Variants in RYR2 observed in about 807,000 individuals in gnomAD.
RYR2 encodes ryanodine receptor 2.
A neutral mutation model predicts 601.1 loss-of-function variants in RYR2; 227 were observed. That is an observed-to-expected ratio of 0.38 (90% confidence interval 0.34 to 0.42). RYR2 has a LOEUF of 0.42. Among genes scored for constraint, RYR2 ranks in the 10% least tolerant of loss-of-function variants. The pLI is 1.00. For synonymous variants in RYR2, 2,223 were observed against 2,175.1 expected, an observed-to-expected ratio of 1.02 and a Z score of -0.61; for missense variants, 4,646 against 6,156.5, an observed-to-expected ratio of 0.75 and a Z score of 8.21.
chr1:237,435,476 G>T (rs1309210399), intron 12 of RYR2, among the ~76,000 whole-genome samples: 1 of 151,992 alleles, frequency 6.6e-6, no homozygotes, highest in Non-Finnish European at 1.5e-5. Context: ...GATGAATTTT[G>T]CATTTACTTG....
chr1:237,813,413 C>T (rs575348356), intron 100 of RYR2, among the ~76,000 whole-genome samples: 11 of 152,150 alleles, frequency 7.2e-5, no homozygotes, highest in Non-Finnish European at 1.0e-4. Context: ...ATTCAGTGAC[C>T]TGTATCAGGT....
In RYR2 at chr1:237,614,356, A is replaced by T; in HGVS notation, c.5228A>T (p.Asn1743Ile). 4 of 1,614,046 alleles carry T rather than the reference A, an allele frequency of 2.5e-6. No homozygotes were observed. The highest frequency in any genetic ancestry group is 3.4e-6 in the Non-Finnish European group (4 of 1,179,900). ...AGCATCACCCTGTTCCCTGATGAGA[A>T]CAAAAAACACGGCCTTCCAGGGATC... Reference protein sequence around the residue: ...TKSITLFPDENKKHGLPGIGL... With the variant: ...TKSITLFPDEIKKHGLPGIGL... The change falls in exon 37 of 105, where the codon AAC becomes ATC. Residue 1743 changes from asparagine to isoleucine, a missense_variant. Coordinates refer to ENST00000366574, the MANE Select transcript of RYR2 (RefSeq NM_001035.3). This position sits in a 1 kb window ranked among gnomAD's most constrained non-coding sequence, Gnocchi z 4.3.
intron 12 of RYR2, among the ~76,000 whole-genome samples, chr1:237,423,900 C>T (rs188719680): frequency 8.5e-5 from 13 of 152,208 alleles, no homozygotes; most frequent in East Asian, 3.9e-4. Context: ...CTTATACTTC[C>T]GCATGGCTGG....
chr1:237,685,278 G>T (rs1417462721), intron 62 of RYR2, among the ~76,000 whole-genome samples: 1 of 152,164 alleles, frequency 6.6e-6, no homozygotes, highest in Admixed American at 6.5e-5. Flanking sequence ...AAAGTGGATT[G>T]CACAGGAGGG....
At position 237,179,955 on chromosome 1, in the gene RYR2, C is replaced by T. The variant is rs560464595; in HGVS notation, c.49-90542C>T. Reference sequence around the variant, plus strand: ...GAGGGTCAGCATGTCCTTTGTAAGCCGGAAGCGCAGAGCAAGGTTTCAGAT... The same window carrying T: ...GAGGGTCAGCATGTCCTTTGTAAGCTGGAAGCGCAGAGCAAGGTTTCAGAT... On this transcript the variant is annotated intron_variant, in intron 1 of 104. Transcript: ENST00000366574. Among the ~76,000 whole-genome samples the T allele has an allele frequency of 7.2e-5, 11 of 152,150 alleles. No homozygotes were observed. In the South Asian group the frequency reaches 1.0e-3, roughly 14 times the overall value.
intron 17 of RYR2, among the ~76,000 whole-genome samples, chr1:237,482,760 T>C (rs1040351154): frequency 6.6e-6 from 1 of 152,160 alleles, no homozygotes; most frequent in African/African-American, 2.4e-5. Flanking sequence ...ATTTTTAGTT[T>C]TTTGAGGAAC....
intron 25 of RYR2, among the ~76,000 whole-genome samples, chr1:237,540,807 A>G (rs1193658090): frequency 1.3e-5 from 2 of 152,006 alleles, no homozygotes; most frequent in Admixed American, 6.6e-5. Context: ...CCTTAGCCCT[A>G]ATGCTGTGAA....
At chr1:237,436,408 C>G (rs1184138323) in intron 12 of RYR2, among the ~76,000 whole-genome samples, 1 of 145,964 alleles carries the variant, frequency 6.9e-6, no homozygotes, top group Non-Finnish European at 1.5e-5. Context: ...AACTCACTTA[C>G]CAGAGTAACT....
rs1043106981 is a variant in RYR2 at position 237,819,681 on chromosome 1, G to A, written c.14590+489G>A. ...TAAAAATACAAAACTAGCCAGGCGT[G>A]GTGGCACACAGCTGTAATCCCAGCT... On this transcript the variant is annotated intron_variant, in intron 101 of 104. Coordinates refer to ENST00000366574, the MANE Select transcript of RYR2 (RefSeq NM_001035.3). The surrounding 1 kb of genome is among the most constrained non-coding windows in gnomAD (Gnocchi z 4.0). Among the ~76,000 whole-genome samples the A allele has an allele frequency of 6.6e-6, 1 of 152,088 alleles. No individual in the cohort carries two copies. Among genetic ancestry groups the A allele is most frequent in the Non-Finnish European group, 1.5e-5 (1 of 68,028 alleles).
intron 100 of RYR2, among the ~76,000 whole-genome samples, chr1:237,817,231 C>T (rs1227156833): frequency 6.6e-6 from 1 of 152,192 alleles, no homozygotes; most frequent in Admixed American, 6.5e-5. Flanking sequence ...TAAATTCCAG[C>T]CATCTAACCC....
At chr1:237,669,078 C>G (rs949677111) in intron 58 of RYR2, among the ~76,000 whole-genome samples, 12 of 149,196 alleles carry the variant, frequency 8.0e-5, no homozygotes, top group African/African-American at 2.9e-4. Context: ...GGTGATGACT[C>G]TTAACGAGCA....
rs767794262 is a variant in RYR2, at chr1:237,610,980, G to A, written c.4902G>A (p.Glu1634=). The A allele has an allele frequency of 6.2e-7, 1 of 1,611,898 alleles. No individual in the cohort carries two copies. Among genetic ancestry groups the A allele is most frequent in the Admixed American group, 1.7e-5 (1 of 59,738 alleles). The change falls in exon 36 of 105, where the codon GAG becomes GAA. Residue 1634 remains glutamate (E), a synonymous_variant. Transcript: ENST00000366574. This position sits in a 1 kb window ranked among gnomAD's most constrained non-coding sequence, Gnocchi z 4.9. ...AGTTCATGTCTCTTCATATCCCTGAGGAAAACAGGTCAGCCCCAGTGAATC... is the reference window on the plus strand; with the variant it reads ...AGTTCATGTCTCTTCATATCCCTGAAGAAAACAGGTCAGCCCCAGTGAATC... ...PLQFMSLHIP[E]ENRSVDILEL... is the part of the protein sequence containing the mutation.
Position 237,705,278 on chromosome 1 carries a change from A to G in RYR2, c.9515A>G (p.Glu3172Gly). 1 of 1,606,002 alleles carries G rather than the reference A, an allele frequency of 6.2e-7. No homozygotes were observed. Residue 3172 changes from glutamate (E) to glycine (G), a missense_variant, in exon 67 of 105, where the codon GAA (glutamate) becomes GGA (glycine). By Grantham distance (98) the Glu-to-Gly change is moderately conservative (BLOSUM62 -2). This residue lies in a region of RYR2 where 1,497 missense variants were observed against 1,842.6 expected (regional missense o/e 0.81). Coordinates refer to ENST00000366574, the MANE Select transcript of RYR2 (RefSeq NM_001035.3). Reference protein sequence around the residue: ...FAGAFPVAFLETHLDKHNIYS... With the variant: ...FAGAFPVAFLGTHLDKHNIYS... ...GGTGCTTTTCCTGTAGCATTTTTGG[A>G]AACTCATCTGGACAAACATAATATT...
intron 100 of RYR2, among the ~76,000 whole-genome samples, chr1:237,810,836 TA>T (rs891559926): frequency 1.3e-5 from 2 of 152,122 alleles, no homozygotes; most frequent in South Asian, 2.1e-4. Flanking sequence ...ACATTTAATT[TA>T]AAAAAACAAG....
intron 13 of RYR2, among the ~76,000 whole-genome samples, chr1:237,445,045 A>T (rs1708209826): frequency 6.6e-6 from 1 of 152,114 alleles, no homozygotes; most frequent in Admixed American, 6.6e-5. Context: ...TTTTTTGAGT[A>T]GTTCTTTAAA....
intron 97 of RYR2, among the ~76,000 whole-genome samples, chr1:237,800,562 TAAAGA>T (rs1302160305): frequency 6.6e-6 from 1 of 152,142 alleles, no homozygotes; most frequent in Non-Finnish European, 1.5e-5. Context: ...AAGAAATGAT[TAAAGA>T]AGTCAATAAA....
chr1:237,145,594 G>C (rs879003669), intron 1 of RYR2, among the ~76,000 whole-genome samples: 1 of 152,128 alleles, frequency 6.6e-6, no homozygotes, highest in Non-Finnish European at 1.5e-5. Context: ...CCTGCTCACT[G>C]TCTGTCCACT....
At chr1:237,060,557 C>T (rs887378972) in intron 1 of RYR2, among the ~76,000 whole-genome samples, 2 of 152,226 alleles carry the variant, frequency 1.3e-5, no homozygotes, top group African/African-American at 4.8e-5. Flanking sequence ...GCCTCTCTAG[C>T]ACCCCCTCCC....
chr1:237,458,143 GA>G (rs1275839377), intron 16 of RYR2, among the ~76,000 whole-genome samples: 1 of 152,058 alleles, frequency 6.6e-6, no homozygotes, highest in African/African-American at 2.4e-5. Context: ...AGTTACTCTT[GA>G]TAACCGGGCA....
Sources: gnomAD v4.1 joint callset for allele counts (sites outside exome capture counted in the v4.1 genomes callset) on GRCh38, gnomAD v4.1.1 for gene constraint, gnomAD v4.1.1 regional missense constraint, Gnocchi (gnomAD v3.1) non-coding constraint, MANE v1.5 for transcripts, NCBI Gene and HGNC (gene_info 2026-07-23, HGNC 2026-07-21) for gene names.